NUGGC: variants seen among roughly 807,000 people sequenced by gnomAD.
NUGGC encodes the protein nuclear GTPase, germinal center associated.
Under a neutral mutation model 92.6 loss-of-function variants are expected in NUGGC, and 58 were observed. That is an observed-to-expected ratio of 0.63 (90% confidence interval 0.51 to 0.78). NUGGC has a LOEUF of 0.78. Among genes scored for constraint, NUGGC ranks in the 30% least tolerant of loss-of-function variants. The pLI is 0.00. For missense variants in NUGGC, 925 were observed against 964.6 expected (o/e 0.96, Z 0.54); for synonymous variants, 376 against 366.4 (o/e 1.03, Z -0.30).
At chr8:28,037,863 G>C (rs4732809) in intron 13 of NUGGC, among the ~76,000 whole-genome samples, 53,668 of 150,132 alleles carry the variant, frequency 0.36, 9,986 homozygotes, top group East Asian at 0.48. Context: ...CAGCACCTAG[G>C]GGGTAGAGTC....
At chr8:28,032,388 G>C (rs1809441728) in intron 14 of NUGGC, among the ~76,000 whole-genome samples, 1 of 152,138 alleles carries the variant, frequency 6.6e-6, no homozygotes, top group South Asian at 2.1e-4. Context: ...GCTGTACTTG[G>C]GGACTGGGAG....
At chr8:28,052,491 G>A (rs1406986532) in intron 10 of NUGGC, among the ~76,000 whole-genome samples, 1 of 152,158 alleles carries the variant, frequency 6.6e-6, no homozygotes, top group Admixed American at 6.5e-5. Context: ...AAAAAAAGGG[G>A]AAATTTGGAT....
At chr8:28,064,446 C>CAG (rs769352025) in intron 7 of NUGGC, 76 bp downstream of exon 7, 135 of 1,225,314 alleles carry the variant, frequency 1.1e-4, no homozygotes, top group Non-Finnish European at 1.5e-4. Flanking sequence ...AAGCTGAAAC[C>CAG]AGAGCATTCT....
At position 28,033,537 on chromosome 8, in the gene NUGGC, T is replaced by C; in HGVS notation, c.1769+3A>G. ...CGAAGGTGCAAGATGAGAGATCCTT[T>C]ACCTAAAAATGCTTCCAAAAACAGG... On this transcript the variant is annotated splice_donor_region_variant and intron_variant, in intron 14 of 18. Transcript: ENST00000413272. 6.2e-7 allele frequency: 1 copy of C among 1,612,198 alleles called. No individual in the cohort carries two copies. The highest frequency in any genetic ancestry group is 8.5e-7 in the Non-Finnish European group (1 of 1,179,340).
chr8:28,047,648 T>A (rs1240331364), intron 10 of NUGGC, 36 bp from the exon 11 acceptor site: 1 of 1,339,534 alleles, frequency 7.5e-7, no homozygotes, highest in African/African-American at 1.5e-5. Context: ...ACAGAATAAC[T>A]CAAACCATAG....
chr8:28,047,490 TAA>T lies in NUGGC; in HGVS notation c.1312+15_1312+16del. Reference sequence around the variant, plus strand: ...CTTGAGAATTTTAGTGATGGAGATTTAAAAAACATAAATTACCCGTTTCCTCC... The same window carrying T: ...CTTGAGAATTTTAGTGATGGAGATTTAAAACATAAATTACCCGTTTCCTCC... On this transcript the variant is annotated intron_variant, in intron 11 of 18. Coordinates refer to ENST00000413272, the MANE Select transcript of NUGGC (RefSeq NM_001010906.2). 6.8e-7 allele frequency: 1 copy of T among 1,471,588 alleles called. No individual in the cohort carries two copies. Among genetic ancestry groups the T allele is most frequent in the Non-Finnish European group, 9.3e-7 (1 of 1,080,090 alleles). The allele number at this position is 1,471,588 out of a possible 1,614,324, so 91.2% of individuals were successfully genotyped here. A position where few individuals can be genotyped will look rare whatever the true frequency, so the allele number is the denominator to read the frequency against.
At position 28,029,380 on chromosome 8, in the gene NUGGC, T is replaced by G. The variant is rs1430660735; in HGVS notation, c.2040A>C (p.Lys680Asn). The G allele has an allele frequency of 6.2e-7, 1 of 1,612,770 alleles. No homozygotes were observed. Among genetic ancestry groups the G allele is most frequent in the Non-Finnish European group, 8.5e-7 (1 of 1,179,406 alleles). The change falls in exon 17 of 19, where the codon AAA becomes AAC. Residue 680 changes from lysine to asparagine, a missense_variant. Lys to Asn is a moderately conservative substitution (Grantham distance 94, BLOSUM62 0). Coordinates refer to ENST00000413272, the MANE Select transcript of NUGGC (RefSeq NM_001010906.2). ...CYEEAAQITG[K>N]KACERMKDAI... ...CATCTTTCATCCGCTCACACGCTTT[T>G]TTGCCCGTGATCTGAGCTGCCTCTG...
intron 12 of NUGGC, among the ~76,000 whole-genome samples, chr8:28,042,705 CAT>C (rs1182344868): frequency 6.6e-6 from 1 of 152,192 alleles, no homozygotes; most frequent in East Asian, 1.9e-4. Context: ...GGCTCTTAGT[CAT>C]GCTCTTTTAT....
At chr8:28,065,089 T>C (rs1007653293) in intron 6 of NUGGC, among the ~76,000 whole-genome samples, 9 of 151,422 alleles carry the variant, frequency 5.9e-5, no homozygotes, top group African/African-American at 1.9e-4. Flanking sequence ...GCAATGACTA[T>C]AGAAAATTAA....
chr8:28,028,541 G>A (rs1563213225), intron 17 of NUGGC, among the ~76,000 whole-genome samples: 1 of 152,154 alleles, frequency 6.6e-6, no homozygotes, highest in Non-Finnish European at 1.5e-5. Flanking sequence ...AGCCTGGGTT[G>A]AGGCAGAAAA....
chr8:28,051,251 A>T (rs1267578782), intron 10 of NUGGC, among the ~76,000 whole-genome samples: 1 of 152,204 alleles, frequency 6.6e-6, no homozygotes, highest in East Asian at 1.9e-4. Flanking sequence ...GACAGCAAGA[A>T]TGTTTTTTAA....
chr8:28,034,040 C>T (rs1809490827), intron 13 of NUGGC, among the ~76,000 whole-genome samples: 1 of 152,218 alleles, frequency 6.6e-6, no homozygotes, highest in Non-Finnish European at 1.5e-5. Flanking sequence ...ATGTCCTCAA[C>T]ATCTGGGAAT....
Position 28,062,226 on chromosome 8 carries a change from C to A in NUGGC, c.922-1625G>T, listed in dbSNP as rs1810324594. 2.6e-5 allele frequency among the ~76,000 whole-genome samples: 4 copies of A among 152,158 alleles called. 1 individual carries two copies. Among genetic ancestry groups the A allele is most frequent in the Middle Eastern group, 6.3e-3 (2 of 316 alleles). The stretch of plus-strand genomic sequence containing the variant: ...CAAGTAGGGCCACACGACGATGGAT[C>A]CTGTCTCTCCTCTATAAGTGAATGG... On this transcript the variant is annotated intron_variant, in intron 7 of 18. Transcript: ENST00000413272.
intron 18 of NUGGC, 117 bp downstream of exon 18, chr8:28,026,837 TCTTCCTAA>T (rs1809275902): frequency 1.4e-6 from 1 of 691,254 alleles, no homozygotes; most frequent in South Asian, 1.6e-5. Flanking sequence ...CCCTGCTAAT[TCTTCCTAA>T]CTTCCTAACT....
intron 13 of NUGGC, among the ~76,000 whole-genome samples, chr8:28,040,808 G>A (rs762711492): frequency 7.9e-5 from 12 of 152,024 alleles, no homozygotes; most frequent in Non-Finnish European, 1.6e-4. Flanking sequence ...CACCACACCT[G>A]GCTAATTTTT....
intron 13 of NUGGC, among the ~76,000 whole-genome samples, chr8:28,038,934 G>A (rs1037355601): frequency 6.6e-6 from 1 of 152,116 alleles, no homozygotes; most frequent in Non-Finnish European, 1.5e-5. Flanking sequence ...GATGGGATAA[G>A]GTAACGTGCA....
chr8:28,041,102 C>T lies in NUGGC; in HGVS notation c.1560G>A (p.Gly520=). The T allele has an allele frequency of 1.2e-6, 2 of 1,608,122 alleles. No individual in the cohort carries two copies. Among genetic ancestry groups the T allele is most frequent in the Non-Finnish European group, 1.7e-6 (2 of 1,177,506 alleles). The change falls in exon 13 of 19, where the codon GGG becomes GGA. Residue 520 remains glycine (G), a synonymous_variant. Transcript: ENST00000413272. Reference sequence around the variant, plus strand: ...GGTAAGAAGTCCTGGCGGTCCTGACCCCTTCTTGCAGAGGCTGCTCCATGC... The same window carrying T: ...GGTAAGAAGTCCTGGCGGTCCTGACTCCTTCTTGCAGAGGCTGCTCCATGC... ...FACMEQPLQE[G]VRTARTSYRC...
In NUGGC at chr8:28,047,502, A is replaced by G; in HGVS notation, c.1312+5T>C. ...AGTGATGGAGATTTAAAAAACATAA[A>G]TTACCCGTTTCCTCCTCGGTGAGGA... On this transcript the variant is annotated splice_donor_5th_base_variant and intron_variant, in intron 11 of 18. Transcript: ENST00000413272. 6.6e-7 allele frequency: 1 copy of G among 1,517,652 alleles called. No homozygotes were observed. Among genetic ancestry groups the G allele is most frequent in the South Asian group, 1.2e-5 (1 of 82,408 alleles). 94.0% of individuals were successfully genotyped at this position (1,517,652 alleles called of 1,614,324 possible). A position where few individuals can be genotyped will look rare whatever the true frequency, so the allele number is the denominator to read the frequency against.
Position 28,037,924 on chromosome 8 carries a change from T to C in NUGGC, c.1611+3127A>G, listed in dbSNP as rs1585561670. 2.0e-5 allele frequency among the ~76,000 whole-genome samples: 3 copies of C among 152,300 alleles called. No individual in the cohort carries two copies. In the South Asian group the frequency reaches 6.2e-4, roughly 32 times the overall value. ...CAGGACAGCCCCTCACAACAAAGCATGATCCGGTCCCAGATATCAATCATG... is the reference window on the plus strand; with the variant it reads ...CAGGACAGCCCCTCACAACAAAGCACGATCCGGTCCCAGATATCAATCATG... On this transcript the variant is annotated intron_variant, in intron 13 of 18. Coordinates refer to ENST00000413272, the MANE Select transcript of NUGGC (RefSeq NM_001010906.2).
Sources: gnomAD v4.1 joint callset for allele counts (sites outside exome capture counted in the v4.1 genomes callset) on GRCh38, gnomAD v4.1.1 for gene constraint, MANE v1.5 for transcripts, NCBI Gene and HGNC (gene_info 2026-07-23, HGNC 2026-07-21) for gene names.